CDH13: variants seen among roughly 807,000 people sequenced by gnomAD.
CDH13 encodes the protein cadherin-13.
Under a neutral mutation model 63.8 loss-of-function variants are expected in CDH13, and 24 were observed. The ratio of observed to expected loss-of-function variants is 0.38; its 90% CI spans 0.27 to 0.53. CDH13 has a LOEUF of 0.53. Ranked by LOEUF, CDH13 falls within the 20% of genes least tolerant of loss-of-function variation. CDH13 has a pLI of 0.85. For synonymous variants in CDH13, 503 were observed against 355.3 expected (o/e 1.42, Z -4.67); for missense variants, 1,049 against 903.1 (o/e 1.16, Z -2.07).
At chr16:83,504,348 A>G (rs192535483) in intron 7 of CDH13, among the ~76,000 whole-genome samples, 1 of 152,312 alleles carries the variant, frequency 6.6e-6, no homozygotes, top group Admixed American at 6.5e-5. Flanking sequence ...TCTTCTGAAG[A>G]TCTGCTGTGC....
At chr16:82,961,065 G>C (rs898241159) in intron 2 of CDH13, among the ~76,000 whole-genome samples, 2 of 152,108 alleles carry the variant, frequency 1.3e-5, no homozygotes, top group African/African-American at 4.8e-5. Flanking sequence ...TGCATCTGTC[G>C]ATAGCCACAT....
chr16:82,685,792 C>T (rs182209846), intron 1 of CDH13, among the ~76,000 whole-genome samples: 2 of 152,264 alleles, frequency 1.3e-5, no homozygotes, highest in Admixed American at 1.3e-4. Context: ...AGAGGTTTAA[C>T]CAAGTCTAGA....
intron 1 of CDH13, among the ~76,000 whole-genome samples, chr16:82,682,811 G>A (rs1914686122): frequency 1.3e-5 from 2 of 152,168 alleles, no homozygotes. Flanking sequence ...CTCTGCTCTT[G>A]TAATTTTCCG....
intron 2 of CDH13, among the ~76,000 whole-genome samples, chr16:82,875,910 G>T (rs185690807): frequency 6.6e-6 from 1 of 152,184 alleles, no homozygotes. Flanking sequence ...AGGTTTATTG[G>T]ACTTACAGTT....
intron 6 of CDH13, among the ~76,000 whole-genome samples, chr16:83,381,245 T>G (rs2151417477): frequency 6.6e-6 from 1 of 152,214 alleles, no homozygotes; most frequent in East Asian, 1.9e-4. Context: ...CCATCTGGAG[T>G]GAGCACATCT....
At chr16:82,694,489 G>A (rs983255636) in intron 1 of CDH13, among the ~76,000 whole-genome samples, 1 of 152,202 alleles carries the variant, frequency 6.6e-6, no homozygotes, top group Admixed American at 6.5e-5. Flanking sequence ...TGAGAAGGAG[G>A]CTGTTTTATC....
intron 1 of CDH13, among the ~76,000 whole-genome samples, chr16:82,848,153 G>T (rs1034245823): frequency 2.0e-5 from 3 of 152,200 alleles, no homozygotes; most frequent in African/African-American, 4.8e-5. Context: ...CACTAGTAAG[G>T]TTCTGGGAAG....
chr16:82,690,164 CAAAAAAA>C (rs35051579), intron 1 of CDH13, among the ~76,000 whole-genome samples: 10 of 52,052 alleles, frequency 1.9e-4, no homozygotes, highest in African/African-American at 5.3e-4. Flanking sequence ...AACTCTGTCT[CAAAAAAA>C]AAAAAAAAAA....
chr16:82,711,070 C>G (rs80306934), intron 1 of CDH13, among the ~76,000 whole-genome samples: 5,245 of 151,790 alleles, frequency 0.035, 176 homozygotes, highest in African/African-American at 0.086. Flanking sequence ...GTCATTTGCC[C>G]GGACCGCATT....
intron 1 of CDH13, among the ~76,000 whole-genome samples, chr16:82,801,227 C>A (rs1437544997): frequency 6.6e-6 from 1 of 152,188 alleles, no homozygotes; most frequent in African/African-American, 2.4e-5. Context: ...AGATTTACTC[C>A]TGAATCATTT....
chr16:83,030,891 C>T (rs116111853), intron 2 of CDH13, among the ~76,000 whole-genome samples: 1,965 of 151,954 alleles, frequency 0.013, 40 homozygotes, highest in African/African-American at 0.042. Flanking sequence ...ACCATCCCTG[C>T]CCCGTTTTAA....
At chr16:83,780,570 G>T (rs903180453) in intron 12 of CDH13, among the ~76,000 whole-genome samples, 1 of 152,086 alleles carries the variant, frequency 6.6e-6, no homozygotes, top group African/African-American at 2.4e-5. Flanking sequence ...TACATACATT[G>T]CATAGTGGTG....
At chr16:83,090,383 G>A (rs559630319) in intron 3 of CDH13, among the ~76,000 whole-genome samples, 8 of 152,068 alleles carry the variant, frequency 5.3e-5, no homozygotes, top group African/African-American at 1.9e-4. Context: ...AGACCAGCCC[G>A]ACCAATATGG....
At chr16:83,175,782 A>T (rs2038094790) in intron 4 of CDH13, among the ~76,000 whole-genome samples, 1 of 151,782 alleles carries the variant, frequency 6.6e-6, no homozygotes. Context: ...TATGCTCACA[A>T]AAATAAGATC....
chr16:83,259,959 G>C (rs1416669343), intron 5 of CDH13, among the ~76,000 whole-genome samples: 1 of 152,004 alleles, frequency 6.6e-6, no homozygotes, highest in Non-Finnish European at 1.5e-5. Context: ...TCTAACAATT[G>C]AAAGAGGACA....
At chr16:82,686,541 C>T (rs1431576957) in intron 1 of CDH13, among the ~76,000 whole-genome samples, 2 of 152,178 alleles carry the variant, frequency 1.3e-5, no homozygotes, top group Non-Finnish European at 2.9e-5. Context: ...CAGAGAACAA[C>T]GAGGCCAGTC....
At chr16:83,643,715 T>C (rs899877934) in intron 8 of CDH13, among the ~76,000 whole-genome samples, 3 of 152,202 alleles carry the variant, frequency 2.0e-5, no homozygotes, top group Admixed American at 6.5e-5. Context: ...GTCAGGAGAA[T>C]GGGTTCTTCC....
At chr16:83,113,336 G>A (rs556353253) in intron 3 of CDH13, among the ~76,000 whole-genome samples, 33 of 152,316 alleles carry the variant, frequency 2.2e-4, no homozygotes, top group African/African-American at 5.8e-4. Context: ...AGACACAATC[G>A]TGGAGCAAAT....
At chr16:82,674,768 A>C (rs969444851) in intron 1 of CDH13, among the ~76,000 whole-genome samples, 3 of 152,252 alleles carry the variant, frequency 2.0e-5, no homozygotes, top group Non-Finnish European at 2.9e-5. Flanking sequence ...AAAGAAAGAC[A>C]GGAGGAACTA....
Sources: allele counts gnomAD v4.1 joint callset (sites outside exome capture counted in the v4.1 genomes callset), GRCh38; gene constraint gnomAD v4.1.1; transcripts MANE v1.5; gene names NCBI Gene and HGNC (gene_info 2026-07-23, HGNC 2026-07-21).